SOX5: variants seen among roughly 807,000 people sequenced by gnomAD.
The protein encoded by SOX5 is transcription factor SOX-5.
SOX5 carries 9 observed loss-of-function variants against 92.0 expected under a neutral mutation model. The ratio of observed to expected loss-of-function variants is 0.10; its 90% CI spans 0.06 to 0.17. The LOEUF is 0.17. Ranked by LOEUF, SOX5 falls within the 10% of genes least tolerant of loss-of-function variation. The pLI, the probability that SOX5 is intolerant of heterozygous loss-of-function variation, is 1.00. For synonymous variants in SOX5, 344 were observed against 336.3 expected (o/e 1.02, Z -0.25); for missense variants, 642 against 944.5 (o/e 0.68, Z 4.20).
intron 2 of SOX5, among the ~76,000 whole-genome samples, chr12:23,870,369 A>C (rs1315647997): frequency 6.6e-6 from 1 of 152,148 alleles, no homozygotes; most frequent in East Asian, 1.9e-4. Context: ...AGCATAAGTA[A>C]GAGTGAAGAT....
At chr12:23,599,460 A>G (rs765040563) in intron 9 of SOX5, among the ~76,000 whole-genome samples, 1 of 152,254 alleles carries the variant, frequency 6.6e-6, no homozygotes, top group Non-Finnish European at 1.5e-5. Flanking sequence ...TAGAAACACA[A>G]CTGTGACTTG....
intron 8 of SOX5, among the ~76,000 whole-genome samples, chr12:23,617,282 C>T (rs192745956): frequency 2.0e-5 from 3 of 152,174 alleles, no homozygotes; most frequent in African/African-American, 4.8e-5. Flanking sequence ...GAGGTATGGG[C>T]TCCAAGGCAT....
intron 6 of SOX5, among the ~76,000 whole-genome samples, chr12:23,700,951 ATATG>A (rs1243074874): frequency 6.6e-6 from 1 of 151,656 alleles, no homozygotes; most frequent in Non-Finnish European, 1.5e-5. Flanking sequence ...GTATAAATAT[ATATG>A]TGTGTATATA....
intron 3 of SOX5, among the ~76,000 whole-genome samples, chr12:23,795,270 C>T (rs1442620091): frequency 6.9e-6 from 1 of 145,840 alleles, no homozygotes; most frequent in Non-Finnish European, 1.5e-5. Flanking sequence ...TTACCATTGA[C>T]TTTTTTTTTT....
intron 4 of SOX5, among the ~76,000 whole-genome samples, chr12:24,042,619 G>C (rs1335907973): frequency 6.6e-6 from 1 of 152,058 alleles, no homozygotes; most frequent in African/African-American, 2.4e-5. Flanking sequence ...ATTTGCTTTA[G>C]TGATAGCCAG....
chr12:23,991,749 G>GT (rs34581177), intron 4 of SOX5, among the ~76,000 whole-genome samples: 6,108 of 144,268 alleles, frequency 0.042, 205 homozygotes, highest in East Asian at 0.17. Context: ...AATACAGGAG[G>GT]TTTTTTTTTT....
intron 4 of SOX5, among the ~76,000 whole-genome samples, chr12:24,084,176 C>G (rs1241835422): frequency 6.6e-6 from 1 of 152,074 alleles, no homozygotes; most frequent in Non-Finnish European, 1.5e-5. Context: ...CTATGTGAAA[C>G]TGCCAATCTA....
intron 2 of SOX5, among the ~76,000 whole-genome samples, chr12:23,894,505 G>T (rs2097158823): frequency 6.6e-6 from 1 of 152,114 alleles, no homozygotes; most frequent in Admixed American, 6.5e-5. Context: ...GGGATTACAG[G>T]TGTGAGCCAC....
chr12:24,368,851 G>A (rs547858603), intron 1 of SOX5, among the ~76,000 whole-genome samples: 1 of 152,256 alleles, frequency 6.6e-6, no homozygotes, highest in South Asian at 2.1e-4. Flanking sequence ...GAGAATAATT[G>A]CTTCTAAATG....
chr12:23,685,436 C>T (rs1055665593), intron 6 of SOX5, among the ~76,000 whole-genome samples: 2 of 151,978 alleles, frequency 1.3e-5, no homozygotes, highest in Non-Finnish European at 2.9e-5. Context: ...AAAATAGGAC[C>T]TGAGAATTCT....
chr12:23,744,215 G>T (rs987732898), intron 4 of SOX5, among the ~76,000 whole-genome samples: 1 of 151,828 alleles, frequency 6.6e-6, no homozygotes, highest in Non-Finnish European at 1.5e-5. Flanking sequence ...TACCTTTTCC[G>T]TCCTTGAACT....
intron 4 of SOX5, among the ~76,000 whole-genome samples, chr12:24,015,059 G>T (rs1022412303): frequency 2.6e-5 from 4 of 151,786 alleles, no homozygotes; most frequent in African/African-American, 9.7e-5. Context: ...GTGGAGCTAG[G>T]TTCTCTCTTT....
rs536975226 is a variant in SOX5, at chr12:24,233,990, T to G, written c.-76-20573A>C. On this transcript the variant is annotated intron_variant, in intron 3 of 4. Coordinates refer to the SOX5 transcript ENST00000446891. ...ATCAAGAACAATCTTTAGGGAAACTTTGTTTCATGCTCTTGGTTCATATCC... is the reference window on the plus strand; with the variant it reads ...ATCAAGAACAATCTTTAGGGAAACTGTGTTTCATGCTCTTGGTTCATATCC... Among the ~76,000 whole-genome samples, 34 of 152,296 alleles carry G rather than the reference T, an allele frequency of 2.2e-4. 1 individual carries two copies. Among genetic ancestry groups the G allele is most frequent in the African/African-American group, 8.2e-4 (34 of 41,546 alleles).
At chr12:24,377,254 C>A (rs563281948) in intron 1 of SOX5, among the ~76,000 whole-genome samples, 1 of 152,126 alleles carries the variant, frequency 6.6e-6, no homozygotes, top group South Asian at 2.1e-4. Flanking sequence ...TTATTATATT[C>A]ATTTTATAGA....
intron 3 of SOX5, among the ~76,000 whole-genome samples, chr12:24,251,306 T>C (rs978791933): frequency 6.6e-6 from 1 of 152,204 alleles, no homozygotes; most frequent in Non-Finnish European, 1.5e-5. Context: ...TATGTTAAGG[T>C]TGAACAACTA....
At chr12:24,405,779 A>G (rs77695416) in intron 1 of SOX5, among the ~76,000 whole-genome samples, 2,424 of 152,298 alleles carry the variant, frequency 0.016, 32 homozygotes, top group South Asian at 0.031. Context: ...TGACCAGGTC[A>G]AAATGCAGAT....
intron 6 of SOX5, among the ~76,000 whole-genome samples, chr12:23,724,834 C>A (rs12315300): frequency 0.13 from 19,690 of 152,094 alleles, 1,598 homozygotes; most frequent in African/African-American, 0.21. Flanking sequence ...ACGTTCCCAG[C>A]AACCAAGAAG....
intron 3 of SOX5, among the ~76,000 whole-genome samples, chr12:24,269,887 T>C: frequency 7.3e-6 from 1 of 137,252 alleles, no homozygotes; most frequent in East Asian, 2.3e-4. Flanking sequence ...TCTTCCTATG[T>C]CACCTAGGCT....
At chr12:23,970,547 A>G (rs1948105388) in intron 4 of SOX5, among the ~76,000 whole-genome samples, 1 of 151,812 alleles carries the variant, frequency 6.6e-6, no homozygotes, top group South Asian at 2.1e-4. Context: ...GTAGTCATAG[A>G]GTATTTTTCT....
Sources: gnomAD v4.1 joint callset for allele counts (sites outside exome capture counted in the v4.1 genomes callset) on GRCh38, gnomAD v4.1.1 for gene constraint, MANE v1.5 for transcripts, NCBI Gene and HGNC (gene_info 2026-07-23, HGNC 2026-07-21) for gene names.